SLC35G1: variants seen among roughly 807,000 people sequenced by gnomAD.
SLC35G1 encodes the protein solute carrier family 35 member G1.
Under a neutral mutation model 17.1 loss-of-function variants are expected in SLC35G1, and 10 were observed. The observed-to-expected ratio is 0.59, with a 90% CI of 0.36 to 0.99. The LOEUF (loss-of-function observed/expected upper bound fraction) is 0.99. Among genes scored for constraint, SLC35G1 ranks in the 50% least tolerant of loss-of-function variants. The pLI is 0.01. For synonymous variants in SLC35G1, 185 were observed against 181.1 expected, an observed-to-expected ratio of 1.02 and a Z score of -0.18; for missense variants, 433 against 468.4, an observed-to-expected ratio of 0.92 and a Z score of 0.70.
exon 3 of SLC35G1, chr10:93,909,699 A>G: frequency 6.6e-6 from 1 of 152,186 alleles, no homozygotes; most frequent in East Asian, 1.9e-4. Flanking sequence ...TGTGTTATCA[A>G]ATAACTATGT....
rs11187726 is a variant in SLC35G1, at chr10:93,902,725, A to G, written c.*1235A>G. The G allele has an allele frequency of 7.2e-5, 11 of 152,766 alleles. No homozygotes were observed. In the East Asian group the frequency reaches 7.7e-4, roughly 11 times the overall value. The allele number at this position is 152,766 out of a possible 1,614,324, so 9.5% of individuals were successfully genotyped here. ...TTTCCTGCATTGAAATAAAATCACT[A>G]TGAATTCTAGTTTATCAGCATGATG... On this transcript the variant is annotated 3_prime_UTR_variant, in exon 3 of 3. Transcript: ENST00000427197.
intron 1 of SLC35G1, among the ~76,000 whole-genome samples, chr10:93,895,090 AGG>A: frequency 6.6e-6 from 1 of 152,188 alleles, no homozygotes; most frequent in Non-Finnish European, 1.5e-5. Context: ...TGCAAGAAGA[AGG>A]GAATAGGCAG....
chr10:93,903,185 A>G lies in SLC35G1; in HGVS notation c.*1695A>G, dbSNP rs1276150967. On this transcript the variant is annotated 3_prime_UTR_variant, in exon 3 of 3. Coordinates refer to ENST00000427197, the MANE Select transcript of SLC35G1 (RefSeq NM_001134658.3). Reference sequence around the variant, plus strand: ...TTATCAATTGCCTTGACACCTGACAAACCCTAAATGAAGTCTATGTAGGTG... The same window carrying G: ...TTATCAATTGCCTTGACACCTGACAGACCCTAAATGAAGTCTATGTAGGTG... The G allele has an allele frequency of 6.6e-6, 1 of 152,172 alleles. No individual in the cohort carries two copies. Among genetic ancestry groups the G allele is most frequent in the Admixed American group, 6.6e-5 (1 of 15,266 alleles). The allele number at this position is 152,172 out of a possible 1,614,324, so 9.4% of individuals were successfully genotyped here. A position where few individuals can be genotyped will look rare whatever the true frequency, so the allele number is the denominator to read the frequency against.
At chr10:93,898,826 C>G in intron 2 of SLC35G1, 75 bp downstream of exon 2, 1 of 1,399,004 alleles carries the variant, frequency 7.1e-7, no homozygotes, top group Non-Finnish European at 9.7e-7. Flanking sequence ...TATAATTACT[C>G]TATCTGCTTT....
rs35060262 is a variant in SLC35G1 at position 93,901,708 on chromosome 10, TTTG to T, written c.*231_*233del. On this transcript the variant is annotated 3_prime_UTR_variant, in exon 3 of 3. Coordinates refer to ENST00000427197, the MANE Select transcript of SLC35G1 (RefSeq NM_001134658.3). ...AGCTTTGGTTTTGGTTTTGGTTTTT[TTTG>T]TTGTTGTTGTTGGGGTCAAGTTGGT... 0.44 allele frequency: 180,831 copies of T among 412,262 alleles called. 45,716 individuals carry two copies. Among genetic ancestry groups the T allele is most frequent in the East Asian group, 0.85 (20,859 of 24,470 alleles). 25.5% of individuals were successfully genotyped at this position (412,262 alleles called of 1,614,324 possible). A position where few individuals can be genotyped will look rare whatever the true frequency, so the allele number is the denominator to read the frequency against.
In SLC35G1 at chr10:93,894,180, T is replaced by G. The variant is rs1268606907; in HGVS notation, c.147T>G (p.Leu49=). The change falls in exon 1 of 3, where the codon CTT becomes CTG. Residue 49 remains leucine, a synonymous_variant. Coordinates refer to ENST00000427197, the MANE Select transcript of SLC35G1 (RefSeq NM_001134658.3). The stretch of plus-strand genomic sequence containing the variant: ...ACCGCGGTAGGTGCTGGCTCTGCCT[T>G]TCCTCGCCGTGTTGCTCCCGCACCG... ...APDRGRCWLC[L]SSPCCSRTEP... The G allele has an allele frequency of 1.4e-6, 2 of 1,451,770 alleles. No individual in the cohort carries two copies. The highest frequency in any genetic ancestry group is 1.4e-5 in the South Asian group (1 of 73,540). The allele number at this position is 1,451,770 out of a possible 1,614,324, so 89.9% of individuals were successfully genotyped here.
chr10:93,896,887 T>C lies in SLC35G1; in HGVS notation c.179-1684T>C, dbSNP rs537549245. Among the ~76,000 whole-genome samples the C allele has an allele frequency of 2.0e-5, 3 of 152,296 alleles. No homozygotes were observed. In the South Asian group the frequency reaches 6.2e-4, roughly 32 times the overall value. ...TCTGTCCTTGATCTTCTCGGTCTGT[T>C]CTGTTTGAGGGTGGAGTTTCTATGT... On this transcript the variant is annotated intron_variant, in intron 1 of 2. Coordinates refer to ENST00000427197, the MANE Select transcript of SLC35G1 (RefSeq NM_001134658.3).
At chr10:93,899,729 G>C (rs2060364698) in intron 2 of SLC35G1, among the ~76,000 whole-genome samples, 1 of 152,188 alleles carries the variant, frequency 6.6e-6, no homozygotes, top group African/African-American at 2.4e-5. Context: ...ATGCGGACAA[G>C]TCACACTATT....
rs554802480 is a variant in SLC35G1, at chr10:93,902,958, C to T, written c.*1468C>T. 6 of 152,300 alleles carry T rather than the reference C, an allele frequency of 3.9e-5. No homozygotes were observed. Among genetic ancestry groups the T allele is most frequent in the South Asian group, 2.1e-4 (1 of 4,816 alleles). 9.4% of individuals were successfully genotyped at this position (152,300 alleles called of 1,614,324 possible). On this transcript the variant is annotated 3_prime_UTR_variant, in exon 3 of 3. Transcript: ENST00000427197. ...AATGAGCCCTTTATTGGTGAGGTTGCAATAGCTTCCAGCTCTTACTGTGTC... is the reference window on the plus strand; with the variant it reads ...AATGAGCCCTTTATTGGTGAGGTTGTAATAGCTTCCAGCTCTTACTGTGTC...
chr10:93,894,368 G>T (rs1055916703), intron 1 of SLC35G1, among the ~76,000 whole-genome samples, 157 bp downstream of exon 1: 4 of 152,116 alleles, frequency 2.6e-5, no homozygotes, highest in African/African-American at 9.7e-5. Flanking sequence ...CAGCTGGGGG[G>T]CTGCAAAGCG....
Position 93,903,333 on chromosome 10 carries a change from C to G in SLC35G1, c.*1843C>G, listed in dbSNP as rs530497513. The G allele has an allele frequency of 6.6e-6, 1 of 152,242 alleles. No homozygotes were observed. The highest frequency in any genetic ancestry group is 1.5e-5 in the Non-Finnish European group (1 of 68,028). 9.4% of individuals were successfully genotyped at this position (152,242 alleles called of 1,614,324 possible). On this transcript the variant is annotated 3_prime_UTR_variant, in exon 3 of 3. Transcript: ENST00000427197. ...TGAGAACTCTAGAGGTCTCAGAAATCATCACATAGGGGCCATGCTTCGTAG... is the reference window on the plus strand; with the variant it reads ...TGAGAACTCTAGAGGTCTCAGAAATGATCACATAGGGGCCATGCTTCGTAG...
downstream of SLC35G1, chr10:93,908,570 C>T (rs7098106): frequency 0.9 from 137,660 of 152,152 alleles, 62,335 homozygotes; most frequent in Middle Eastern, 0.94. Flanking sequence ...GAGCTAGAAG[C>T]GAAAGAATAG....
rs2060377521 is a variant in SLC35G1, at chr10:93,900,949, A to T, written c.557A>T (p.Asp186Val). 6.2e-7 allele frequency: 1 copy of T among 1,614,040 alleles called. No individual in the cohort carries two copies. Among genetic ancestry groups the T allele is most frequent in the Non-Finnish European group, 8.5e-7 (1 of 1,179,984 alleles). The change falls in exon 3 of 3, where the codon GAT becomes GTT. Residue 186 changes from aspartate to valine, a missense_variant. Asp to Val is a radical substitution (Grantham distance 152, BLOSUM62 -3). Transcript: ENST00000427197. ...ICLKEKYSPW[D>V]ALFTVFTITG... ...CTCAAGGAAAAATATAGCCCTTGGGATGCTCTTTTCACCGTGTTCACAATC... is the reference window on the plus strand; with the variant it reads ...CTCAAGGAAAAATATAGCCCTTGGGTTGCTCTTTTCACCGTGTTCACAATC...
At chr10:93,896,471 T>C (rs969103855) in intron 1 of SLC35G1, among the ~76,000 whole-genome samples, 13 of 152,232 alleles carry the variant, frequency 8.5e-5, no homozygotes, top group African/African-American at 3.1e-4. Flanking sequence ...TTATTAGATA[T>C]GCTTGCAGTG....
rs2060379342 is a variant in SLC35G1, at chr10:93,901,059, A to G, written c.667A>G (p.Lys223Glu). The G allele has an allele frequency of 6.2e-7, 1 of 1,614,118 alleles. No homozygotes were observed. Residue 223 changes from lysine to glutamate, a missense_variant, in exon 3 of 3, where the codon AAG (lysine) becomes GAG (glutamate). By Grantham distance (56) the Lys-to-Glu change is moderately conservative. Coordinates refer to ENST00000427197, the MANE Select transcript of SLC35G1 (RefSeq NM_001134658.3). ...GMEESYSGHL[K>E]GTFAAIGSAV... ...GGAAGAAAGCTATTCAGGCCACCTT[A>G]AGGGAACATTCGCAGCAATTGGAAG...
chr10:93,899,231 A>G (rs553423461), intron 2 of SLC35G1, among the ~76,000 whole-genome samples: 1 of 152,278 alleles, frequency 6.6e-6, no homozygotes, highest in South Asian at 2.1e-4. Context: ...TTACTTTCGT[A>G]TTTAGTTTCC....
chr10:93,900,254 T>C (rs910738119), intron 2 of SLC35G1, among the ~76,000 whole-genome samples: 8 of 152,192 alleles, frequency 5.3e-5, no homozygotes, highest in Admixed American at 2.6e-4. Context: ...TTCATGAGAT[T>C]GAGAATGAGC....
At chr10:93,897,348 C>T (rs1421041167) in intron 1 of SLC35G1, among the ~76,000 whole-genome samples, 4 of 152,124 alleles carry the variant, frequency 2.6e-5, no homozygotes, top group Admixed American at 2.0e-4. Context: ...CAGAGAAGGG[C>T]ATTTTAAAAA....
chr10:93,907,794 T>C (rs2134075199), downstream of SLC35G1: 1 of 124,180 alleles, frequency 8.1e-6, no homozygotes, highest in African/African-American at 3.2e-5. Flanking sequence ...AATAACTTAG[T>C]CAAAATAAAA....
Sources: allele counts gnomAD v4.1 joint callset (sites outside exome capture counted in the v4.1 genomes callset), GRCh38; gene constraint gnomAD v4.1.1; transcripts MANE v1.5; gene names NCBI Gene and HGNC (gene_info 2026-07-23, HGNC 2026-07-21).